Variants in OVOL1 observed in about 807,000 individuals in gnomAD.
OVOL1 encodes the protein putative transcription factor Ovo-like 1.
In OVOL1, 10 loss-of-function variants were observed where a neutral mutation model predicts 21.5. The ratio of observed to expected loss-of-function variants is 0.46; its 90% CI spans 0.29 to 0.79. OVOL1 has a LOEUF of 0.79. OVOL1 is among the 30% of genes least tolerant of loss of function. The pLI is 0.10. For synonymous variants in OVOL1, 129 were observed against 150.3 expected (o/e 0.86, Z 1.03); for missense variants, 279 against 362.3 (o/e 0.77, Z 1.87).
rs1858115825 is a variant in OVOL1, at chr11:65,795,542, G to A, written c.*201G>A. On this transcript the variant is annotated 3_prime_UTR_variant, in exon 4 of 4. Transcript: ENST00000335987. This position sits in a 1 kb window ranked among gnomAD's most constrained non-coding sequence, Gnocchi z 5.7. ...GACCTCTGCTCATTTTTGCATTTTT[G>A]ACTTATGGGCCGAGGCTGTTCTGAG... 4 of 603,700 alleles carry A rather than the reference G, an allele frequency of 6.6e-6. No individual in the cohort carries two copies. The Admixed American group carries it at 8.8e-5, about 13-fold the overall frequency. 37.4% of individuals were successfully genotyped at this position (603,700 alleles called of 1,614,324 possible).
intron 1 of OVOL1, among the ~76,000 whole-genome samples, chr11:65,787,703 A>G (rs1857932126): frequency 1.3e-5 from 2 of 151,652 alleles, no homozygotes; most frequent in Non-Finnish European, 3.0e-5. Context: ...GCATGGTGGA[A>G]GGGGAGCCGC....
intron 1 of OVOL1, among the ~76,000 whole-genome samples, chr11:65,792,991 G>T (rs1471115710): frequency 6.6e-6 from 1 of 152,240 alleles, no homozygotes; most frequent in Non-Finnish European, 1.5e-5. Flanking sequence ...TCCCTCGGAA[G>T]CTCACTTATC....
intron 1 of OVOL1, 135 bp downstream of exon 1, chr11:65,787,608 G>A (rs563721260): frequency 1.9e-5 from 4 of 213,642 alleles, no homozygotes; most frequent in Non-Finnish European, 2.5e-5. Context: ...GCCGCGGCCT[G>A]GGCTGGGTGG....
rs375250908 is a variant in OVOL1 at position 65,790,032 on chromosome 11, C to T, written c.100+2559C>T. On this transcript the variant is annotated intron_variant, in intron 1 of 3. Coordinates refer to ENST00000335987, the MANE Select transcript of OVOL1 (RefSeq NM_004561.4). ...TACTGGCTAGGAAGCCACCTTGAAC[C>T]GCTCCCCCACCCACCCCCCCAACCA... 2.1e-5 allele frequency: 3 copies of T among 144,918 alleles called. No homozygotes were observed. The East Asian group carries it at 5.9e-4, about 29-fold the overall frequency. 9.0% of individuals were successfully genotyped at this position (144,918 alleles called of 1,614,324 possible).
intron 1 of OVOL1, chr11:65,788,797 A>C: frequency 2.0e-6 from 2 of 985,468 alleles, no homozygotes; most frequent in African/African-American, 3.5e-5. Flanking sequence ...CCAGTGGGGA[A>C]ACTGAGGCAA....
Position 65,795,938 on chromosome 11 carries a change from CTGTG to C in OVOL1, c.*606_*609del, listed in dbSNP as rs142200666. 1.9e-5 allele frequency: 3 copies of C among 158,442 alleles called. No individual in the cohort carries two copies. The highest frequency in any genetic ancestry group is 5.9e-5 in the Admixed American group (1 of 16,914). The allele number at this position is 158,442 out of a possible 1,614,324, so 9.8% of individuals were successfully genotyped here. ...TGCGTGTGCTTGTGTGTGTGCACTG[CTGTG>C]TGTGTGTGCACGCACAGGAAGCCTT... is the stretch of plus-strand genomic sequence containing the variant. On this transcript the variant is annotated 3_prime_UTR_variant, in exon 4 of 4. Transcript: ENST00000335987. This position sits in a 1 kb window ranked among gnomAD's most constrained non-coding sequence, Gnocchi z 5.7.
chr11:65,788,415 C>A (rs1051833490), intron 1 of OVOL1: 11 of 980,850 alleles, frequency 1.1e-5, no homozygotes, highest in Non-Finnish European at 1.3e-5. Flanking sequence ...CGAACGCCCC[C>A]TCCCCAGGCC....
At chr11:65,788,711 C>A in intron 1 of OVOL1, 2 of 985,442 alleles carry the variant, frequency 2.0e-6, no homozygotes, top group Non-Finnish European at 2.4e-6. Context: ...TGTTTCACAG[C>A]TTAACCTGAT....
intron 1 of OVOL1, among the ~76,000 whole-genome samples, chr11:65,787,985 C>T (rs1382885114): frequency 6.6e-6 from 1 of 152,068 alleles, no homozygotes; most frequent in Non-Finnish European, 1.5e-5. Context: ...CACTGGTGGC[C>T]GGGTCGGAGT....
Position 65,795,177 on chromosome 11 carries a change from G to C in OVOL1, c.640G>C (p.Val214Leu). The change falls in exon 4 of 4, where the codon GTG becomes CTG. Residue 214 changes from valine to leucine, a missense_variant. Physicochemically the swap from Val to Leu is conservative, Grantham distance 32. Coordinates refer to ENST00000335987, the MANE Select transcript of OVOL1 (RefSeq NM_004561.4). The surrounding 1 kb of genome is among the most constrained non-coding windows in gnomAD (Gnocchi z 5.7). ...AYKERRAKLY[V>L]CEECGCTSES... is the part of the protein sequence containing the mutation. ...CAAGGAGCGGCGGGCCAAGCTGTAC[G>C]TGTGTGAGGAGTGCGGCTGCACATC... 1 of 1,613,140 alleles carries C rather than the reference G, an allele frequency of 6.2e-7. No homozygotes were observed. Among genetic ancestry groups the C allele is most frequent in the Non-Finnish European group, 8.5e-7 (1 of 1,179,996 alleles).
intron 1 of OVOL1, chr11:65,789,719 A>G (rs1857971899): frequency 1.0e-6 from 1 of 984,764 alleles, no homozygotes. Flanking sequence ...CTAAGCGTTG[A>G]CCCCATTTCC....
At position 65,795,622 on chromosome 11, in the gene OVOL1, T is replaced by C; in HGVS notation, c.*281T>C. The C allele has an allele frequency of 3.8e-6, 2 of 522,858 alleles. No homozygotes were observed. The highest frequency in any genetic ancestry group is 1.9e-5 in the African/African-American group (1 of 52,732). The allele number at this position is 522,858 out of a possible 1,614,324, so 32.4% of individuals were successfully genotyped here. On this transcript the variant is annotated 3_prime_UTR_variant, in exon 4 of 4. Transcript: ENST00000335987. This position sits in a 1 kb window ranked among gnomAD's most constrained non-coding sequence, Gnocchi z 5.7. The stretch of plus-strand genomic sequence containing the variant: ...GGGATGAGGCCAAGGCTGCCTTCAA[T>C]TAGAAGCAGCCGCCCACAGAGACAG...
chr11:65,791,996 G>A (rs1380800577), intron 1 of OVOL1, among the ~76,000 whole-genome samples: 70 of 152,222 alleles, frequency 4.6e-4, no homozygotes, highest in Non-Finnish European at 4.1e-4. Context: ...TTGGCAGGGT[G>A]GGTGGGATGA....
At chr11:65,794,362 C>A in intron 2 of OVOL1, 114 bp downstream of exon 2, 1 of 1,179,004 alleles carries the variant, frequency 8.5e-7, no homozygotes, top group Non-Finnish European at 1.2e-6. Context: ...GGACCTGGGC[C>A]AAGGTTTCTG....
Position 65,787,351 on chromosome 11 carries a change from T to G in OVOL1, c.-23T>G. 1 of 1,551,652 alleles carries G rather than the reference T, an allele frequency of 6.4e-7. No individual in the cohort carries two copies. Among genetic ancestry groups the G allele is most frequent in the Non-Finnish European group, 8.7e-7 (1 of 1,146,042 alleles). On this transcript the variant is annotated 5_prime_UTR_variant, in exon 1 of 4. Coordinates refer to ENST00000335987, the MANE Select transcript of OVOL1 (RefSeq NM_004561.4). ...CGGCTTCAGTTACGGAAGCGGCCCG[T>G]GTCCAGCGACGAGGGTTCGAAAATG...
intron 1 of OVOL1, among the ~76,000 whole-genome samples, chr11:65,791,403 A>C (rs962956206): frequency 6.6e-6 from 1 of 152,200 alleles, no homozygotes; most frequent in African/African-American, 2.4e-5. Flanking sequence ...CTGGGGCAGC[A>C]CCCATGTGGT....
In OVOL1 at chr11:65,794,147, GC is replaced by G; in HGVS notation, c.222del (p.Cys77ValfsTer14). 1 of 1,613,788 alleles carries G rather than the reference GC, an allele frequency of 6.2e-7. No individual in the cohort carries two copies. The highest frequency in any genetic ancestry group is 8.5e-7 in the Non-Finnish European group (1 of 1,180,018). ...CCTTCGAGACTCTAGCTACAGCATG[GC>G]CCCCGGGCCCTGTGTGGTGGCCCAG... ...MSLRDSSYSM[A>X]PGPCVVAQLP... On this transcript the variant is annotated frameshift_variant, in exon 2 of 4. Coordinates refer to ENST00000335987, the MANE Select transcript of OVOL1 (RefSeq NM_004561.4). LOFTEE classifies it high-confidence loss of function.
At chr11:65,794,430 C>T in intron 2 of OVOL1, 108 bp from the exon 3 acceptor site, 1 of 1,182,810 alleles carries the variant, frequency 8.5e-7, no homozygotes, top group Non-Finnish European at 1.2e-6. Context: ...GGGAGGTGGG[C>T]ACCACCCTCC....
At position 65,795,155 on chromosome 11, in the gene OVOL1, G is replaced by C; in HGVS notation, c.618G>C (p.Lys206Asn). 1 of 1,613,338 alleles carries C rather than the reference G, an allele frequency of 6.2e-7. No homozygotes were observed. Among genetic ancestry groups the C allele is most frequent in the Non-Finnish European group, 8.5e-7 (1 of 1,179,984 alleles). Residue 206 changes from lysine (K) to asparagine (N), a missense_variant, in exon 4 of 4, where the codon AAG becomes AAC. Transcript: ENST00000335987. This position sits in a 1 kb window ranked among gnomAD's most constrained non-coding sequence, Gnocchi z 5.7. ...IHGVQQKYAY[K>N]ERRAKLYVCE... Reference sequence around the variant, plus strand: ...GTGTGCAGCAGAAGTACGCGTACAAGGAGCGGCGGGCCAAGCTGTACGTGT... The same window carrying C: ...GTGTGCAGCAGAAGTACGCGTACAACGAGCGGCGGGCCAAGCTGTACGTGT...
Sources: gnomAD v4.1 joint callset for allele counts (sites outside exome capture counted in the v4.1 genomes callset) on GRCh38, gnomAD v4.1.1 for gene constraint, Gnocchi (gnomAD v3.1) non-coding constraint, MANE v1.5 for transcripts, NCBI Gene and HGNC (gene_info 2026-07-23, HGNC 2026-07-21) for gene names.